DBF4: variants seen among roughly 807,000 people sequenced by gnomAD.
The protein encoded by DBF4 is DBF4-CDC7 kinase regulatory subunit.
Under a neutral mutation model 76.6 loss-of-function variants are expected in DBF4, and 25 were observed. The observed-to-expected ratio is 0.33, with a 90% CI of 0.24 to 0.46. The LOEUF is 0.46. DBF4 is among the 20% of genes least tolerant of loss of function. The pLI, the probability that DBF4 is intolerant of heterozygous loss-of-function variation, is 1.00. For synonymous variants in DBF4, 213 were observed against 258.0 expected (o/e 0.83, Z 1.67); for missense variants, 638 against 760.8 (o/e 0.84, Z 1.90).
chr7:87,883,268 A>G (rs1349401131), intron 2 of DBF4, among the ~76,000 whole-genome samples: 1 of 152,124 alleles, frequency 6.6e-6, no homozygotes, highest in African/African-American at 2.4e-5. Flanking sequence ...AGGGGCTGGG[A>G]AAAATGAGGA....
intron 6 of DBF4, among the ~76,000 whole-genome samples, chr7:87,890,595 T>C (rs1268040428): frequency 6.6e-6 from 1 of 152,172 alleles, no homozygotes; most frequent in Admixed American, 6.5e-5. Context: ...TCAGTGATCC[T>C]GAGAAATGTT....
chr7:87,876,864 C>T (rs1839062017), intron 1 of DBF4, 86 bp downstream of exon 1: 9 of 1,453,682 alleles, frequency 6.2e-6, no homozygotes, highest in Admixed American at 3.7e-5. Flanking sequence ...CTTCTCCCGC[C>T]GGGTCCTCAG....
At position 87,876,665 on chromosome 7, in the gene DBF4, C is replaced by T. The variant is rs1191074028; in HGVS notation, c.-68C>T. The T allele has an allele frequency of 3.4e-5, 54 of 1,576,210 alleles. No individual in the cohort carries two copies. Among genetic ancestry groups the T allele is most frequent in the Non-Finnish European group, 4.5e-5 (52 of 1,152,794 alleles). ...CGTCCTGTCAACAGGCCGGGGGAAG[C>T]CGTGCTTTCGCGGCTGCCCGGTGCG... On this transcript the variant is annotated 5_prime_UTR_variant, in exon 1 of 12. Coordinates refer to ENST00000265728, the MANE Select transcript of DBF4 (RefSeq NM_006716.4).
intron 10 of DBF4, among the ~76,000 whole-genome samples, chr7:87,903,948 G>A (rs546267162): frequency 1.3e-5 from 2 of 152,106 alleles, no homozygotes; most frequent in African/African-American, 4.8e-5. Context: ...CGCCCACCTC[G>A]GCCTCCCAGA....
chr7:87,904,346 G>A lies in DBF4; in HGVS notation c.979G>A (p.Val327Ile). 2 of 1,613,856 alleles carry A rather than the reference G, an allele frequency of 1.2e-6. No homozygotes were observed. The highest frequency in any genetic ancestry group is 3.3e-4 in the Middle Eastern group (2 of 6,060). ...NFAQSNQYQVVDDIVSKLVFD... is the reference protein window; with the variant it reads ...NFAQSNQYQVIDDIVSKLVFD... The stretch of plus-strand genomic sequence containing the variant: ...TGCACAGAGTAACCAGTATCAAGTT[G>A]TTGATGATATTGTATCTAAGTTAGT... Residue 327 changes from valine (V) to isoleucine (I), a missense_variant, in exon 11 of 12, where the codon GTT (valine) becomes ATT (isoleucine). Physicochemically the swap from Val to Ile is conservative, Grantham distance 29. Coordinates refer to ENST00000265728, the MANE Select transcript of DBF4 (RefSeq NM_006716.4).
chr7:87,881,136 G>C (rs758989702), intron 2 of DBF4, among the ~76,000 whole-genome samples: 1 of 152,196 alleles, frequency 6.6e-6, no homozygotes, highest in Non-Finnish European at 1.5e-5. Flanking sequence ...GCCAGGCTCG[G>C]AGGCTCACGC....
Position 87,907,704 on chromosome 7 carries a change from C to A in DBF4, c.1566C>A (p.Asp522Glu). The A allele has an allele frequency of 6.2e-7, 1 of 1,613,988 alleles. No individual in the cohort carries two copies. The highest frequency in any genetic ancestry group is 1.7e-5 in the Admixed American group (1 of 60,018). ...CAGCAAAGGATCTCAAGGAAAAGGACCTTCATTCAATATTTACTCATGATT... is the reference window on the plus strand; with the variant it reads ...CAGCAAAGGATCTCAAGGAAAAGGAACTTCATTCAATATTTACTCATGATT... ...LFPAKDLKEK[D>E]LHSIFTHDSG... The change falls in exon 12 of 12, where the codon GAC becomes GAA. Residue 522 changes from aspartate (D) to glutamate (E), a missense_variant. Physicochemically the swap from Asp to Glu is conservative, Grantham distance 45 (BLOSUM62 2). Transcript: ENST00000265728.
At chr7:87,881,980 G>T (rs180691457) in intron 2 of DBF4, among the ~76,000 whole-genome samples, 32 of 152,294 alleles carry the variant, frequency 2.1e-4, no homozygotes, top group African/African-American at 7.0e-4. Flanking sequence ...TGTTGCAGTG[G>T]GATTTGAGCT....
intron 6 of DBF4, among the ~76,000 whole-genome samples, chr7:87,890,445 T>A (rs1253612883): frequency 6.6e-6 from 1 of 152,130 alleles, no homozygotes; most frequent in Non-Finnish European, 1.5e-5. Context: ...TAGAAGAGAA[T>A]CACTTGAAGC....
intron 4 of DBF4, 50 bp from the exon 5 acceptor site, chr7:87,887,279 C>G: frequency 7.8e-7 from 1 of 1,282,368 alleles, no homozygotes; most frequent in Non-Finnish European, 1.1e-6. Flanking sequence ...TAAAATTTAG[C>G]TCATCTTAAA....
intron 2 of DBF4, among the ~76,000 whole-genome samples, chr7:87,878,938 A>G (rs1256608034): frequency 6.6e-6 from 1 of 152,000 alleles, no homozygotes; most frequent in Non-Finnish European, 1.5e-5. Flanking sequence ...TAACTTTTCA[A>G]TTTATTTTTA....
At chr7:87,900,985 A>G in intron 10 of DBF4, 107 bp downstream of exon 10, 1 of 920,802 alleles carries the variant, frequency 1.1e-6, no homozygotes, top group South Asian at 1.6e-5. Flanking sequence ...TTAAGAACTC[A>G]AGGGAGGAAA....
At chr7:87,877,941 CTT>C in intron 1 of DBF4, 110 bp from the exon 2 acceptor site, 2 of 907,828 alleles carry the variant, frequency 2.2e-6, no homozygotes, top group East Asian at 5.6e-5. Flanking sequence ...ATGCTAATAA[CTT>C]AAACTGGTAG....
chr7:87,897,253 C>T, intron 7 of DBF4, 41 bp from the exon 8 acceptor site: 2 of 1,535,332 alleles, frequency 1.3e-6, no homozygotes, highest in Non-Finnish European at 8.8e-7. Flanking sequence ...AAAAAGAATC[C>T]TGAATTTGCA....
Position 87,907,894 on chromosome 7 carries a change from A to G in DBF4, c.1756A>G (p.Arg586Gly), listed in dbSNP as rs918350571. Reference protein sequence around the residue: ...RKVKIILGRNRKENLEPNAEF... With the variant: ...RKVKIILGRNGKENLEPNAEF... Reference sequence around the variant, plus strand: ...AGTGAAAATAATATTAGGACGAAATAGAAAAGAAAATCTGGAACCAAATGC... The same window carrying G: ...AGTGAAAATAATATTAGGACGAAATGGAAAAGAAAATCTGGAACCAAATGC... Residue 586 changes from arginine (R) to glycine (G), a missense_variant, in exon 12 of 12, where the codon AGA becomes GGA. By Grantham distance (125) the Arg-to-Gly change is moderately radical. Transcript: ENST00000265728. 6 of 1,613,088 alleles carry G rather than the reference A, an allele frequency of 3.7e-6. No individual in the cohort carries two copies. The highest frequency in any genetic ancestry group is 4.2e-6 in the Non-Finnish European group (5 of 1,179,828).
chr7:87,892,674 G>A (rs1033596801), intron 6 of DBF4, among the ~76,000 whole-genome samples: 7 of 152,160 alleles, frequency 4.6e-5, no homozygotes, highest in Non-Finnish European at 1.0e-4. Context: ...GTCTTCCAAA[G>A]TAGTTGTGCC....
At chr7:87,901,418 A>T (rs1441190167) in intron 10 of DBF4, among the ~76,000 whole-genome samples, 1 of 152,228 alleles carries the variant, frequency 6.6e-6, no homozygotes, top group Non-Finnish European at 1.5e-5. Flanking sequence ...TGGTAGTAGA[A>T]GTGCTGAAAC....
At chr7:87,883,074 A>G (rs1403117291) in intron 2 of DBF4, among the ~76,000 whole-genome samples, 1 of 152,220 alleles carries the variant, frequency 6.6e-6, no homozygotes, top group Non-Finnish European at 1.5e-5. Context: ...TTGTATATAC[A>G]TACAATAGAA....
intron 8 of DBF4, among the ~76,000 whole-genome samples, chr7:87,898,616 C>T (rs575710650): frequency 6.6e-6 from 1 of 151,842 alleles, no homozygotes; most frequent in East Asian, 1.9e-4. Flanking sequence ...ACGGTGAAAC[C>T]CTGTCTCTAC....
Sources: gnomAD v4.1 joint callset for allele counts (sites outside exome capture counted in the v4.1 genomes callset) on GRCh38, gnomAD v4.1.1 for gene constraint, MANE v1.5 for transcripts, NCBI Gene and HGNC (gene_info 2026-07-23, HGNC 2026-07-21) for gene names.